Variants in NTPCR observed in about 807,000 individuals in gnomAD.
NTPCR encodes the protein cancer-related nucleoside-triphosphatase.
A neutral mutation model predicts 19.5 loss-of-function variants in NTPCR; 15 were observed. The ratio of observed to expected loss-of-function variants is 0.77; its 90% CI spans 0.51 to 1.18. NTPCR has a LOEUF of 1.18. Ranked by LOEUF, NTPCR falls within the 50% of genes most tolerant of loss-of-function variation. The probability of loss-of-function intolerance (pLI) is 0.00; values close to 1 mark genes in which losing one functional copy is unlikely to be tolerated. For missense variants in NTPCR, 206 were observed against 240.4 expected (o/e 0.86, Z 0.95); for synonymous variants, 90 against 95.8 (o/e 0.94, Z 0.36).
intron 4 of NTPCR, 95 bp downstream of exon 4, chr1:232,970,213 A>AT (rs1304126238): frequency 4.0e-6 from 4 of 1,007,456 alleles, no homozygotes; most frequent in Middle Eastern, 3.2e-4. Context: ...TTGAGTTAAC[A>AT]TTTTTTCCCT....
intron 1 of NTPCR, among the ~76,000 whole-genome samples, chr1:232,952,209 C>A (rs1277972627): frequency 6.6e-6 from 1 of 151,974 alleles, no homozygotes; most frequent in Non-Finnish European, 1.5e-5. Context: ...ATTTCTTTTC[C>A]ATTTATTTAT....
intron 1 of NTPCR, among the ~76,000 whole-genome samples, chr1:232,954,280 G>C (rs1427937365): frequency 6.6e-6 from 1 of 152,202 alleles, no homozygotes. Context: ...TTGTGTTGCT[G>C]TTCATGTTCC....
chr1:232,971,575 C>A lies in NTPCR; in HGVS notation c.504+1457C>A, dbSNP rs371858082. Among the ~76,000 whole-genome samples, 418 of 152,314 alleles carry A rather than the reference C, an allele frequency of 2.7e-3. 3 individuals are homozygous for A. The highest frequency in any genetic ancestry group is 9.7e-3 in the African/African-American group (404 of 41,564). ...TTGGTCAATAGTGATTGAGCACCTA[C>A]TGTATGCTAGGTGTCATTCTAAGTC... On this transcript the variant is annotated intron_variant, in intron 4 of 4. Transcript: ENST00000366628.
chr1:232,967,952 A>G (rs1668866024), intron 3 of NTPCR: 1 of 152,198 alleles, frequency 6.6e-6, no homozygotes, highest in Non-Finnish European at 1.5e-5. Context: ...CAGGTGGTTG[A>G]TAGCTGTTTT....
At chr1:232,976,471 C>T in intron 4 of NTPCR, 2 of 1,549,974 alleles carry the variant, frequency 1.3e-6, no homozygotes, top group Non-Finnish European at 1.7e-6. Context: ...GAAAAGGGCC[C>T]CTGTGGTGCC....
chr1:232,969,878 A>AT, intron 3 of NTPCR, 31 bp from the exon 4 acceptor site: 1 of 1,581,316 alleles, frequency 6.3e-7, no homozygotes, highest in Non-Finnish European at 8.7e-7. Flanking sequence ...TGTGACTCTG[A>AT]TGTCCCAGTG....
chr1:232,963,097 C>A (rs1293238103), intron 3 of NTPCR: 1 of 152,210 alleles, frequency 6.6e-6, no homozygotes, highest in Non-Finnish European at 1.5e-5. Flanking sequence ...TCTCTCTCAG[C>A]TTCTGTTTCT....
chr1:232,960,556 C>A lies in NTPCR; in HGVS notation c.294+4113C>A, dbSNP rs191103835. On this transcript the variant is annotated intron_variant, in intron 3 of 4. Transcript: ENST00000366628. ...ACGGGGTTTCACCATCATGGTCAGG[C>A]TGGTCTCGAACTCCTGACCTCGTGA... Among the ~76,000 whole-genome samples the A allele has an allele frequency of 4.6e-5, 7 of 152,142 alleles. No individual in the cohort carries two copies. In the East Asian group the frequency reaches 1.2e-3, roughly 25 times the overall value.
rs1348864573 is a variant in NTPCR, at chr1:232,982,309, A to G, written c.*4078A>G. ...CCCCAAGAATCCTGGGGTGACTCCA[A>G]TACTGCCACCTTTTCTCTGTGGGTG... On this transcript the variant is annotated 3_prime_UTR_variant, in exon 5 of 5. Transcript: ENST00000366628. 6.6e-6 allele frequency: 1 copy of G among 152,222 alleles called. No homozygotes were observed. The highest frequency in any genetic ancestry group is 1.5e-5 in the Non-Finnish European group (1 of 68,046). The allele number at this position is 152,222 out of a possible 1,614,324, so 9.4% of individuals were successfully genotyped here.
chr1:232,982,643 C>G lies in NTPCR; in HGVS notation c.*4412C>G, dbSNP rs1434482919. The G allele has an allele frequency of 6.6e-6, 1 of 152,274 alleles. No individual in the cohort carries two copies. The highest frequency in any genetic ancestry group is 1.5e-5 in the Non-Finnish European group (1 of 68,082). The allele number at this position is 152,274 out of a possible 1,614,324, so 9.4% of individuals were successfully genotyped here. A position where few individuals can be genotyped will look rare whatever the true frequency, so the allele number is the denominator to read the frequency against. ...GCCTGCGCTGCCATTTCCTTCCAGC[C>G]TGGGTTTCTAGCTCTTTGGGGAGAT... On this transcript the variant is annotated 3_prime_UTR_variant, in exon 5 of 5. Transcript: ENST00000366628.
chr1:232,981,140 A>AATTTAATAAAT lies in NTPCR; in HGVS notation c.*2909_*2910insATTTAATAAAT, dbSNP rs1669270518. On this transcript the variant is annotated 3_prime_UTR_variant, in exon 5 of 5. Transcript: ENST00000366628. Reference sequence around the variant, plus strand: ...CAGATCATACCGCCAGCTGCTTAACACGTAATAGTTTAATAAATTGTTTCT... The same window carrying AATTTAATAAAT: ...CAGATCATACCGCCAGCTGCTTAACAATTTAATAAATCGTAATAGTTTAATAAATTGTTTCT... 6.6e-6 allele frequency: 1 copy of AATTTAATAAAT among 152,160 alleles called. No individual in the cohort carries two copies. The highest frequency in any genetic ancestry group is 3.2e-3 in the Middle Eastern group (1 of 316). 9.4% of individuals were successfully genotyped at this position (152,160 alleles called of 1,614,324 possible).
intron 4 of NTPCR, among the ~76,000 whole-genome samples, chr1:232,972,354 C>G (rs1669008555): frequency 6.6e-6 from 1 of 152,014 alleles, no homozygotes; most frequent in South Asian, 2.1e-4. Context: ...CTCTGTTGCC[C>G]AGAGTAATCT....
chr1:232,977,931 TCCAAA>T (rs1321468023), intron 4 of NTPCR, among the ~76,000 whole-genome samples: 1 of 152,174 alleles, frequency 6.6e-6, no homozygotes, highest in Non-Finnish European at 1.5e-5. Context: ...CTGTCTGGGC[TCCAAA>T]CCCACTTTGA....
At chr1:232,977,981 G>A (rs1669173537) in intron 4 of NTPCR, among the ~76,000 whole-genome samples, 182 bp from the exon 5 acceptor site, 1 of 152,224 alleles carries the variant, frequency 6.6e-6, no homozygotes, top group Non-Finnish European at 1.5e-5. Context: ...AACTGATGCT[G>A]GGACTCGGTG....
chr1:232,976,680 A>G (rs1389248579), intron 4 of NTPCR: 4 of 1,142,140 alleles, frequency 3.5e-6, no homozygotes, highest in Non-Finnish European at 4.7e-6. Flanking sequence ...AGCCAGGACC[A>G]GTAGAAATGG....
At chr1:232,961,019 T>C (rs1188327239) in intron 3 of NTPCR, among the ~76,000 whole-genome samples, 1 of 152,238 alleles carries the variant, frequency 6.6e-6, no homozygotes, top group Non-Finnish European at 1.5e-5. Flanking sequence ...AGGGAAAATG[T>C]TATGTATAGT....
chr1:232,983,693 A>G lies in NTPCR; in HGVS notation c.*5462A>G, dbSNP rs1469129224. 1 of 152,134 alleles carries G rather than the reference A, an allele frequency of 6.6e-6. No individual in the cohort carries two copies. The highest frequency in any genetic ancestry group is 1.5e-5 in the Non-Finnish European group (1 of 68,012). 9.4% of individuals were successfully genotyped at this position (152,134 alleles called of 1,614,324 possible). A position where few individuals can be genotyped will look rare whatever the true frequency, so the allele number is the denominator to read the frequency against. The stretch of plus-strand genomic sequence containing the variant: ...GAATACTGGAGACATGACTGCATGC[A>G]TGATCACGGTTCTTGTTGTGAAGCT... On this transcript the variant is annotated 3_prime_UTR_variant, in exon 5 of 5. Transcript: ENST00000366628.
At position 232,983,250 on chromosome 1, in the gene NTPCR, C is replaced by A. The variant is rs1669330017; in HGVS notation, c.*5019C>A. On this transcript the variant is annotated 3_prime_UTR_variant, in exon 5 of 5. Transcript: ENST00000366628. ...TATTGTCTTTTGAAAAGGGATGGTT[C>A]ACCAGGCCAGTGATACTCTATGGAC... 6.6e-6 allele frequency: 1 copy of A among 152,130 alleles called. No individual in the cohort carries two copies. 9.4% of individuals were successfully genotyped at this position (152,130 alleles called of 1,614,324 possible).
At chr1:232,954,876 C>CAG (rs1185014667) in intron 1 of NTPCR, among the ~76,000 whole-genome samples, 1 of 151,368 alleles carries the variant, frequency 6.6e-6, no homozygotes, top group African/African-American at 2.4e-5. Context: ...GCTGAGGGGG[C>CAG]AGAGGTACAT....
Sources: allele counts gnomAD v4.1 joint callset (sites outside exome capture counted in the v4.1 genomes callset), GRCh38; gene constraint gnomAD v4.1.1; transcripts MANE v1.5; gene names NCBI Gene and HGNC (gene_info 2026-07-23, HGNC 2026-07-21).